UBE2Z: variants seen among roughly 807,000 people sequenced by gnomAD.
The protein encoded by UBE2Z is ubiquitin conjugating enzyme E2 Z.
A neutral mutation model predicts 32.6 loss-of-function variants in UBE2Z; 10 were observed. That is an observed-to-expected ratio of 0.31 (90% CI 0.19 to 0.52). The LOEUF is 0.52. UBE2Z is among the 20% of genes least tolerant of loss of function. UBE2Z has a pLI of 0.97. For synonymous variants in UBE2Z, 183 were observed against 190.8 expected, an observed-to-expected ratio of 0.96 and a Z score of 0.34; for missense variants, 343 against 480.9, an observed-to-expected ratio of 0.71 and a Z score of 2.68.
intron 4 of UBE2Z, among the ~76,000 whole-genome samples, chr17:48,916,919 C>T (rs2040724269): frequency 6.6e-6 from 1 of 152,130 alleles, no homozygotes; most frequent in East Asian, 1.9e-4. Flanking sequence ...GGTGTGATCA[C>T]TTGAACCCTG....
intron 1 of UBE2Z, among the ~76,000 whole-genome samples, chr17:48,909,263 C>G (rs1464283885): frequency 6.6e-6 from 1 of 151,776 alleles, no homozygotes; most frequent in Non-Finnish European, 1.5e-5. Context: ...TCTGGAGCCC[C>G]GTTCCTAACA....
At position 48,927,310 on chromosome 17, in the gene UBE2Z, C is replaced by A; in HGVS notation, c.*176C>A. On this transcript the variant is annotated 3_prime_UTR_variant, in exon 7 of 7. Transcript: ENST00000360943. ...GTGGGAGTGGGGGCCTGTTCCCGGTCTGACCTCCTTGGCACTGGAGCATCT... is the reference window on the plus strand; with the variant it reads ...GTGGGAGTGGGGGCCTGTTCCCGGTATGACCTCCTTGGCACTGGAGCATCT... 1.5e-6 allele frequency: 1 copy of A among 668,140 alleles called. No individual in the cohort carries two copies. Among genetic ancestry groups the A allele is most frequent in the Non-Finnish European group, 2.5e-6 (1 of 400,734 alleles). 41.4% of individuals were successfully genotyped at this position (668,140 alleles called of 1,614,324 possible).
intron 2 of UBE2Z, chr17:48,911,722 G>C (rs2040679315): frequency 6.6e-6 from 1 of 151,986 alleles, no homozygotes; most frequent in Non-Finnish European, 1.5e-5. Context: ...CCTCAGTCAA[G>C]TACCAGTGTT....
rs1166315598 is a variant in UBE2Z, at chr17:48,921,276, T to C, written c.803+4T>C. On this transcript the variant is annotated splice_donor_region_variant and intron_variant, in intron 5 of 6. Coordinates refer to ENST00000360943, the MANE Select transcript of UBE2Z (RefSeq NM_023079.5). ...GTCCCTGTCCTGAACCCCTACGGTA[T>C]GTGTCAAGCGGGCTTGCTTGGTATT... 1.2e-6 allele frequency: 2 copies of C among 1,606,414 alleles called. No homozygotes were observed. The highest frequency in any genetic ancestry group is 2.2e-5 in the East Asian group (1 of 44,686).
At chr17:48,918,943 C>T (rs560391211) in intron 4 of UBE2Z, among the ~76,000 whole-genome samples, 24 of 152,058 alleles carry the variant, frequency 1.6e-4, no homozygotes, top group South Asian at 1.2e-3. Context: ...GATGGGGTTT[C>T]GCCCTGTTGG....
intron 6 of UBE2Z, among the ~76,000 whole-genome samples, chr17:48,923,708 CTTT>C (rs748036701): frequency 6.7e-6 from 1 of 149,966 alleles, no homozygotes; most frequent in Non-Finnish European, 1.5e-5. Flanking sequence ...ATAGGGAACT[CTTT>C]ACTTTCCTTG....
intron 2 of UBE2Z, 115 bp from the exon 3 acceptor site, chr17:48,912,719 C>T (rs1598071866): frequency 9.4e-7 from 1 of 1,069,392 alleles, no homozygotes; most frequent in East Asian, 2.4e-5. Context: ...GGATATAGAA[C>T]ATGTGTACCA....
chr17:48,927,672 A>C lies in UBE2Z; in HGVS notation c.*538A>C, dbSNP rs2040807111. 6.3e-6 allele frequency: 1 copy of C among 159,028 alleles called. No individual in the cohort carries two copies. Among genetic ancestry groups the C allele is most frequent in the Non-Finnish European group, 1.4e-5 (1 of 71,428 alleles). 9.9% of individuals were successfully genotyped at this position (159,028 alleles called of 1,614,324 possible). A position where few individuals can be genotyped will look rare whatever the true frequency, so the allele number is the denominator to read the frequency against. On this transcript the variant is annotated 3_prime_UTR_variant, in exon 7 of 7. Coordinates refer to ENST00000360943, the MANE Select transcript of UBE2Z (RefSeq NM_023079.5). ...CCCCCATTATTTCCCACAGGCCAGC[A>C]TAATTTTGTTTTTCCTAATTTATAG...
At chr17:48,916,258 G>GTTTTTTTTGTT in intron 4 of UBE2Z, 71 bp downstream of exon 4, 1 of 415,728 alleles carries the variant, frequency 2.4e-6, no homozygotes, top group Non-Finnish European at 3.8e-6. Flanking sequence ...TGGTTTTTTT[G>GTTTTTTTTGTT]TTTTTTTTTT....
At chr17:48,921,708 G>C (rs2040759993) in intron 5 of UBE2Z, among the ~76,000 whole-genome samples, 1 of 152,178 alleles carries the variant, frequency 6.6e-6, no homozygotes. Context: ...TGGAGGTGGA[G>C]CAAGTCATGA....
intron 1 of UBE2Z, among the ~76,000 whole-genome samples, chr17:48,909,350 C>T (rs1272657110): frequency 6.6e-6 from 1 of 151,934 alleles, no homozygotes; most frequent in Non-Finnish European, 1.5e-5. Flanking sequence ...TTCTCAGATT[C>T]CCTCCACACA....
chr17:48,916,258 G>GTTTTTTTTTTTTTTTTT lies in UBE2Z; in HGVS notation c.690+86_690+87insTTTTTTTTTTTTTTTTT, dbSNP rs371253123. On this transcript the variant is annotated intron_variant, in intron 4 of 6. Coordinates refer to ENST00000360943, the MANE Select transcript of UBE2Z (RefSeq NM_023079.5). ...GTTTGTTTGGTTGGTTGGTTTTTTT[G>GTTTTTTTTTTTTTTTTT]TTTTTTTTTTTTTTTGAGACAGAGT... is the stretch of plus-strand genomic sequence containing the variant. 755 of 418,692 alleles carry GTTTTTTTTTTTTTTTTT rather than the reference G, an allele frequency of 1.8e-3. 25 individuals carry two copies. The highest frequency in any genetic ancestry group is 2.4e-3 in the Admixed American group (41 of 17,288). 25.9% of individuals were successfully genotyped at this position (418,692 alleles called of 1,614,324 possible). A position where few individuals can be genotyped will look rare whatever the true frequency, so the allele number is the denominator to read the frequency against.
intron 3 of UBE2Z, among the ~76,000 whole-genome samples, chr17:48,913,649 G>A (rs556108132): frequency 6.6e-6 from 1 of 152,210 alleles, no homozygotes; most frequent in African/African-American, 2.4e-5. Flanking sequence ...CACCGTGCCC[G>A]GCCCAGAAAT....
At chr17:48,915,999 G>T in intron 3 of UBE2Z, 77 bp from the exon 4 acceptor site, 3 of 840,418 alleles carry the variant, frequency 3.6e-6, no homozygotes, top group Non-Finnish European at 5.5e-6. Context: ...CACTTATGGT[G>T]GTGTTGCCGG....
chr17:48,913,171 T>C, intron 3 of UBE2Z, 150 bp downstream of exon 3: 3 of 786,776 alleles, frequency 3.8e-6, no homozygotes, highest in Non-Finnish European at 6.0e-6. Flanking sequence ...GGTATGTGAC[T>C]AGTATCATTC....
Position 48,921,119 on chromosome 17 carries a change from T to G in UBE2Z, c.691-41T>G. ...AGTCCCTTCCCATTGGTTTTCTTTT[T>G]GCTTAATTTTTGGAATACTCTGGCA... On this transcript the variant is annotated intron_variant, in intron 4 of 6. Coordinates refer to ENST00000360943, the MANE Select transcript of UBE2Z (RefSeq NM_023079.5). The G allele has an allele frequency of 2.6e-6, 4 of 1,543,660 alleles. No homozygotes were observed. The South Asian group carries it at 4.7e-5, about 18-fold the overall frequency.
chr17:48,918,897 C>A (rs2040740088), intron 4 of UBE2Z, among the ~76,000 whole-genome samples: 1 of 151,970 alleles, frequency 6.6e-6, no homozygotes, highest in African/African-American at 2.4e-5. Flanking sequence ...CAGGCACACA[C>A]CATGACGCCT....
intron 1 of UBE2Z, 162 bp from the exon 2 acceptor site, chr17:48,910,646 T>C: frequency 3.4e-6 from 2 of 594,538 alleles, no homozygotes; most frequent in East Asian, 2.6e-5. Flanking sequence ...AGTACTCAGC[T>C]GAGATTTCTC....
chr17:48,923,149 G>A (rs554835376), intron 6 of UBE2Z: 43 of 381,836 alleles, frequency 1.1e-4, no homozygotes, highest in South Asian at 1.7e-4. Flanking sequence ...GTGAAACCCC[G>A]TCTCTACTAA....
Sources: gnomAD v4.1 joint callset for allele counts (sites outside exome capture counted in the v4.1 genomes callset) on GRCh38, gnomAD v4.1.1 for gene constraint, MANE v1.5 for transcripts, NCBI Gene and HGNC (gene_info 2026-07-23, HGNC 2026-07-21) for gene names.